Variants in GPC3 observed in about 807,000 individuals in gnomAD.
GPC3 encodes the protein glypican-3.
Under a neutral mutation model 34.4 loss-of-function variants are expected in GPC3, and 3 were observed. The observed-to-expected ratio is 0.09, with a 90% CI of 0.04 to 0.23. The LOEUF (loss-of-function observed/expected upper bound fraction) is 0.23. GPC3 is among the 10% of genes least tolerant of loss of function. The pLI is 1.00. For synonymous variants in GPC3, 177 were observed against 174.0 expected (o/e 1.02, Z -0.13); for missense variants, 351 against 445.6 (o/e 0.79, Z 1.91).
At chrX:133,974,084 T>C (rs1358718706) in intron 1 of GPC3, among the ~76,000 whole-genome samples, 1 of 112,176 alleles carries the variant, frequency 8.9e-6, no homozygotes, top group Non-Finnish European at 1.9e-5. Flanking sequence ...AAAGTCTCAC[T>C]CTGTCACCCA....
chrX:133,552,436 G>A (rs1167929570), intron 7 of GPC3, among the ~76,000 whole-genome samples: 1 of 111,844 alleles, frequency 8.9e-6, no homozygotes, highest in Non-Finnish European at 1.9e-5. Context: ...AATCAGTCAA[G>A]GAGTTATTGA....
In GPC3 at chrX:133,744,474, G is replaced by A. The variant is rs181732236; in HGVS notation, c.1032+9008C>T. Among the ~76,000 whole-genome samples the A allele has an allele frequency of 4.4e-5, 5 of 112,374 alleles. No individual in the cohort carries two copies. In the East Asian group the frequency reaches 1.1e-3, roughly 25 times the overall value. On this transcript the variant is annotated intron_variant, in intron 3 of 7. Transcript: ENST00000370818. ...AAACCACAATGAGATACCATCTCACGTCAGTTAGAATGGCAATCATTTAAA... is the reference window on the plus strand; with the variant it reads ...AAACCACAATGAGATACCATCTCACATCAGTTAGAATGGCAATCATTTAAA...
At chrX:133,650,377 T>G (rs1472526758) in intron 6 of GPC3, among the ~76,000 whole-genome samples, 2 of 108,995 alleles carry the variant, frequency 1.8e-5, no homozygotes, top group African/African-American at 6.7e-5. Context: ...GCCTGCCTAT[T>G]TATAGAGCCT....
intron 2 of GPC3, chrX:133,763,721 AGGCTG>A: frequency 2.1e-6 from 1 of 485,230 alleles, no homozygotes; most frequent in African/African-American, 2.4e-5. Context: ...CATGGAAATA[AGGCTG>A]ACAAAAAATA....
chrX:133,907,734 G>A (rs931778928), intron 2 of GPC3, among the ~76,000 whole-genome samples: 3 of 110,888 alleles, frequency 2.7e-5, no homozygotes, highest in African/African-American at 3.3e-5. Flanking sequence ...AAACACCTCC[G>A]TTCATAAAGC....
chrX:133,726,199 T>C (rs895884514), intron 3 of GPC3, among the ~76,000 whole-genome samples: 13 of 111,568 alleles, frequency 1.2e-4, no homozygotes, highest in African/African-American at 4.2e-4. Flanking sequence ...GCTAATAACA[T>C]ACATGAATCA....
chrX:133,723,075 C>T lies in GPC3; in HGVS notation c.1033-23047G>A, dbSNP rs200621961. ...TCTTCCACTTAGAATTGACTTCTCTCTTTGTCCATTCTATCAATGAGGTGA... is the reference window on the plus strand; with the variant it reads ...TCTTCCACTTAGAATTGACTTCTCTTTTTGTCCATTCTATCAATGAGGTGA... On this transcript the variant is annotated intron_variant, in intron 3 of 7. Coordinates refer to ENST00000370818, the MANE Select transcript of GPC3 (RefSeq NM_004484.4). Among the ~76,000 whole-genome samples, 221 of 74,723 alleles carry T rather than the reference C, an allele frequency of 3.0e-3. 1 individual carries two copies. Among genetic ancestry groups the T allele is most frequent in the African/African-American group, 0.015 (176 of 12,020 alleles). 64.9% of individuals were successfully genotyped at this position (74,723 alleles called of 115,157 possible). A position where few individuals can be genotyped will look rare whatever the true frequency, so the allele number is the denominator to read the frequency against.
chrX:133,676,284 A>G (rs1223186613), intron 5 of GPC3, among the ~76,000 whole-genome samples: 2 of 112,408 alleles, frequency 1.8e-5, no homozygotes, highest in Non-Finnish European at 3.8e-5. Context: ...TCTAGGACCA[A>G]GGCTGCAGCA....
At chrX:133,757,442 C>A (rs1458258962) in intron 2 of GPC3, among the ~76,000 whole-genome samples, 1 of 111,323 alleles carries the variant, frequency 9.0e-6, no homozygotes, top group Non-Finnish European at 1.9e-5. Context: ...CTTCTACTAC[C>A]CCCCAGGACA....
chrX:133,620,326 A>AT (rs1484103761), intron 6 of GPC3, among the ~76,000 whole-genome samples: 1 of 109,563 alleles, frequency 9.1e-6, no homozygotes. Context: ...CCTTTATTTT[A>AT]TTTTTCTACT....
intron 2 of GPC3, among the ~76,000 whole-genome samples, chrX:133,910,088 C>G (rs1411060423): frequency 9.0e-6 from 1 of 110,697 alleles, no homozygotes; most frequent in Admixed American, 9.7e-5. Context: ...TGACCCCCTA[C>G]TCCATCCTTC....
chrX:133,692,253 T>C, intron 5 of GPC3, 116 bp downstream of exon 5: 1 of 824,913 alleles, frequency 1.2e-6, no homozygotes. Flanking sequence ...CCTCATAGAT[T>C]TCTCTAGAAT....
intron 2 of GPC3, among the ~76,000 whole-genome samples, chrX:133,949,527 T>C (rs1212625034): frequency 9.0e-6 from 1 of 111,628 alleles, no homozygotes; most frequent in Non-Finnish European, 1.9e-5. Context: ...TTTTCCTTTC[T>C]GATGAAGAGA....
intron 6 of GPC3, among the ~76,000 whole-genome samples, chrX:133,615,467 T>C (rs2124351789): frequency 9.0e-6 from 1 of 110,692 alleles, no homozygotes; most frequent in African/African-American, 3.3e-5. Context: ...AACTTAAGAA[T>C]AGCTGGAAAC....
At chrX:133,642,790 A>AG (rs1304904290) in intron 6 of GPC3, among the ~76,000 whole-genome samples, 2 of 106,064 alleles carry the variant, frequency 1.9e-5, no homozygotes, top group Non-Finnish European at 3.8e-5. Flanking sequence ...AAAAAAAAAA[A>AG]AAAGAAAGAA....
intron 7 of GPC3, among the ~76,000 whole-genome samples, chrX:133,544,220 G>T (rs2069364108): frequency 9.0e-6 from 1 of 111,611 alleles, no homozygotes. Flanking sequence ...GATAGAGTAA[G>T]ACCCTGTTAC....
chrX:133,912,278 C>T (rs1320568765), intron 2 of GPC3, among the ~76,000 whole-genome samples: 1 of 112,220 alleles, frequency 8.9e-6, no homozygotes, highest in East Asian at 2.8e-4. Context: ...AGGGCAGCCC[C>T]GCCTATGGGA....
At chrX:133,803,978 C>CCACACA (rs10571712) in intron 2 of GPC3, among the ~76,000 whole-genome samples, 51 of 94,314 alleles carry the variant, frequency 5.4e-4, no homozygotes, top group African/African-American at 1.7e-3. Context: ...TGAGATAAAT[C>CCACACA]CACACACACA....
At chrX:133,846,908 C>T (rs1413763384) in intron 2 of GPC3, among the ~76,000 whole-genome samples, 2 of 111,753 alleles carry the variant, frequency 1.8e-5, no homozygotes, top group African/African-American at 6.5e-5. Context: ...CTTCCATTAC[C>T]TGAACTTCTC....
Sources: gnomAD v4.1 joint callset for allele counts (sites outside exome capture counted in the v4.1 genomes callset) on GRCh38, gnomAD v4.1.1 for gene constraint, MANE v1.5 for transcripts, NCBI Gene and HGNC (gene_info 2026-07-23, HGNC 2026-07-21) for gene names.